ZBTB16: variants seen among roughly 807,000 people sequenced by gnomAD.
ZBTB16 encodes the protein zinc finger and BTB domain-containing protein 16.
ZBTB16 carries 8 observed loss-of-function variants against 56.8 expected under a neutral mutation model. The ratio of observed to expected loss-of-function variants is 0.14; its 90% CI spans 0.08 to 0.25. The LOEUF (loss-of-function observed/expected upper bound fraction) is 0.25, where lower values mean the gene tolerates loss of function less well. Ranked by LOEUF, ZBTB16 falls within the 10% of genes least tolerant of loss-of-function variation. ZBTB16 has a pLI of 1.00. For synonymous variants in ZBTB16, 363 were observed against 368.5 expected, an observed-to-expected ratio of 0.98 and a Z score of 0.17; for missense variants, 625 against 903.0, an observed-to-expected ratio of 0.69 and a Z score of 3.95.
At chr11:114,149,584 G>A (rs1942234256) in intron 2 of ZBTB16, among the ~76,000 whole-genome samples, 1 of 152,134 alleles carries the variant, frequency 6.6e-6, no homozygotes, top group Non-Finnish European at 1.5e-5. Context: ...CATACATAAA[G>A]AGCTGTATTA....
At chr11:114,113,464 C>T (rs1941081604) in intron 2 of ZBTB16, among the ~76,000 whole-genome samples, 1 of 152,204 alleles carries the variant, frequency 6.6e-6, no homozygotes, top group African/African-American at 2.4e-5. Context: ...GCGTTGATTT[C>T]AGAGTATTCT....
intron 4 of ZBTB16, among the ~76,000 whole-genome samples, chr11:114,211,680 T>G (rs1169899676): frequency 6.6e-6 from 1 of 152,240 alleles, no homozygotes; most frequent in African/African-American, 2.4e-5. Flanking sequence ...GCTTGTCCTC[T>G]GCCCTCACCT....
intron 2 of ZBTB16, among the ~76,000 whole-genome samples, chr11:114,083,826 G>A (rs1939867338): frequency 6.6e-6 from 1 of 152,058 alleles, no homozygotes; most frequent in Admixed American, 6.5e-5. Flanking sequence ...TCTGCTCTGT[G>A]GGTGATACTT....
chr11:114,141,873 C>A (rs184125326), intron 2 of ZBTB16, among the ~76,000 whole-genome samples: 1 of 152,214 alleles, frequency 6.6e-6, no homozygotes, highest in South Asian at 2.1e-4. Flanking sequence ...CATGAAAATG[C>A]GCAGAATAGT....
At chr11:114,067,963 T>C (rs991787086) in intron 2 of ZBTB16, among the ~76,000 whole-genome samples, 5 of 151,190 alleles carry the variant, frequency 3.3e-5, no homozygotes, top group Non-Finnish European at 7.4e-5. Flanking sequence ...TTTTCTACTG[T>C]TCTCTGTCTC....
chr11:114,123,885 G>A (rs1591689679), intron 2 of ZBTB16, among the ~76,000 whole-genome samples: 1 of 152,126 alleles, frequency 6.6e-6, no homozygotes, highest in South Asian at 2.1e-4. Flanking sequence ...AGGCTGCTAC[G>A]GGAGCCTTTT....
intron 3 of ZBTB16, among the ~76,000 whole-genome samples, chr11:114,167,245 T>G (rs1365394941): frequency 6.6e-5 from 9 of 137,382 alleles, no homozygotes; most frequent in African/African-American, 2.4e-4. Flanking sequence ...TTTTTTTTTT[T>G]TTTTTTTTGA....
chr11:114,123,791 A>G (rs949192980), intron 2 of ZBTB16, among the ~76,000 whole-genome samples: 2 of 152,156 alleles, frequency 1.3e-5, no homozygotes, highest in Admixed American at 6.5e-5. Flanking sequence ...CAGTGGCCTT[A>G]AAATAGGGTT....
intron 4 of ZBTB16, among the ~76,000 whole-genome samples, chr11:114,199,314 C>G: frequency 1.3e-5 from 2 of 150,014 alleles, no homozygotes; most frequent in South Asian, 4.2e-4. Context: ...CCGCTGGGCC[C>G]CGGGATGGGG....
intron 4 of ZBTB16, among the ~76,000 whole-genome samples, chr11:114,205,749 A>C (rs925022096): frequency 1.3e-5 from 2 of 152,210 alleles, no homozygotes; most frequent in Non-Finnish European, 2.9e-5. Context: ...TTCAAGTATT[A>C]AGTATGTTTT....
intron 2 of ZBTB16, among the ~76,000 whole-genome samples, chr11:114,126,970 A>T (rs1051853762): frequency 9.2e-5 from 14 of 152,180 alleles, no homozygotes; most frequent in Non-Finnish European, 2.9e-5. Context: ...GGTTGTAAGC[A>T]TCTTGAAGGC....
Position 114,063,207 on chromosome 11 carries a change from C to T in ZBTB16, c.-90-4C>T, listed in dbSNP as rs751106980. The T allele has an allele frequency of 5.2e-5, 73 of 1,396,046 alleles. No individual in the cohort carries two copies. Among genetic ancestry groups the T allele is most frequent in the Non-Finnish European group, 6.6e-5 (67 of 1,010,554 alleles). The allele number at this position is 1,396,046 out of a possible 1,614,324, so 86.5% of individuals were successfully genotyped here. On this transcript the variant is annotated splice_polypyrimidine_tract_variant and splice_region_variant and intron_variant, in intron 1 of 6. Coordinates refer to ENST00000335953, the MANE Select transcript of ZBTB16 (RefSeq NM_006006.6). The surrounding 1 kb of genome is among the most constrained non-coding windows in gnomAD (Gnocchi z 6.5). ...TTTGCTTCTTCCCCTCTTCTTTCTCCTAGCCTCCTCTATTGGCCCAGGAAG... is the reference window on the plus strand; with the variant it reads ...TTTGCTTCTTCCCCTCTTCTTTCTCTTAGCCTCCTCTATTGGCCCAGGAAG...
chr11:114,205,016 C>T (rs185666633), intron 4 of ZBTB16, among the ~76,000 whole-genome samples: 127 of 152,194 alleles, frequency 8.3e-4, no homozygotes, highest in African/African-American at 3.1e-3. Context: ...AGTTAAGTAA[C>T]AAGTTAAGCA....
rs1565700083 is a variant in ZBTB16 at position 114,233,115 on chromosome 11, ACACACACACACTCTCTCTCT to A, written c.1454-9050_1454-9031del. On this transcript the variant is annotated intron_variant, in intron 4 of 6. Transcript: ENST00000335953. The stretch of plus-strand genomic sequence containing the variant: ...CACACACACACACACACACACACAC[ACACACACACACTCTCTCTCT>A]CTCACACTCCCTTTCCTTCTTCCTC... Among the ~76,000 whole-genome samples, 21 of 56,014 alleles carry A rather than the reference ACACACACACACTCTCTCTCT, an allele frequency of 3.7e-4. No homozygotes were observed. The South Asian group carries it at 4.9e-3, about 13-fold the overall frequency. The allele number at this position is 56,014 out of a possible 152,430, so 36.7% of individuals were successfully genotyped here.
At chr11:114,147,316 GA>G (rs1333990312) in intron 2 of ZBTB16, among the ~76,000 whole-genome samples, 1 of 152,150 alleles carries the variant, frequency 6.6e-6, no homozygotes, top group Non-Finnish European at 1.5e-5. Context: ...AATGATCCTG[GA>G]TAACCAGGAG....
At chr11:114,186,626 C>T (rs1436528387) in intron 3 of ZBTB16, among the ~76,000 whole-genome samples, 1 of 97,950 alleles carries the variant, frequency 1.0e-5, no homozygotes, top group Non-Finnish European at 2.1e-5. Context: ...CATTTTTCTC[C>T]TGTCCCCCCC....
chr11:114,249,638 G>A (rs572562988), intron 6 of ZBTB16, among the ~76,000 whole-genome samples: 4 of 145,024 alleles, frequency 2.8e-5, no homozygotes, highest in Non-Finnish European at 4.5e-5. Flanking sequence ...GGTGGCAGGC[G>A]CCTGTAGTCC....
At chr11:114,108,332 T>C (rs1940874301) in intron 2 of ZBTB16, among the ~76,000 whole-genome samples, 1 of 152,160 alleles carries the variant, frequency 6.6e-6, no homozygotes, top group South Asian at 2.1e-4. Context: ...ATCTAGAGAA[T>C]CCCTTTTCAG....
intron 4 of ZBTB16, among the ~76,000 whole-genome samples, chr11:114,205,623 G>A (rs1321825238): frequency 1.3e-5 from 2 of 152,072 alleles, no homozygotes; most frequent in African/African-American, 4.8e-5. Flanking sequence ...CCTCTGCCTC[G>A]GATTTTCTAT....
Sources: allele counts gnomAD v4.1 joint callset (sites outside exome capture counted in the v4.1 genomes callset), GRCh38; gene constraint gnomAD v4.1.1; non-coding constraint Gnocchi (gnomAD v3.1); transcripts MANE v1.5; gene names NCBI Gene and HGNC (gene_info 2026-07-23, HGNC 2026-07-21).